Variants in JADE3 observed in about 807,000 individuals in gnomAD.
JADE3 encodes the protein jade family PHD finger 3, also known as protein Jade-3.
Under a neutral mutation model 50.1 loss-of-function variants are expected in JADE3, and 2 were observed. The ratio of observed to expected loss-of-function variants is 0.04; its 90% CI spans 0.02 to 0.13. The LOEUF (loss-of-function observed/expected upper bound fraction) is 0.13. Among genes scored for constraint, JADE3 ranks in the 10% least tolerant of loss-of-function variants. The probability of loss-of-function intolerance (pLI) is 1.00; values close to 1 mark genes in which losing one functional copy is unlikely to be tolerated. For missense variants in JADE3, 475 were observed against 634.4 expected, an observed-to-expected ratio of 0.75 and a Z score of 2.70; for synonymous variants, 218 against 232.9, an observed-to-expected ratio of 0.94 and a Z score of 0.58.
At chrX:47,045,753 T>C (rs1556370533) in intron 8 of JADE3, among the ~76,000 whole-genome samples, 1 of 110,406 alleles carries the variant, frequency 9.1e-6, no homozygotes, top group Non-Finnish European at 1.9e-5. Flanking sequence ...TTGGAAACTA[T>C]ACAAACACTT....
intron 2 of JADE3, 110 bp from the exon 3 acceptor site, chrX:46,985,603 G>A (rs1382669769): frequency 2.5e-5 from 13 of 521,058 alleles, no homozygotes; most frequent in Non-Finnish European, 3.9e-5. Flanking sequence ...GAGCTCTCTG[G>A]TTTCTCCATC....
At chrX:46,914,904 A>T (rs184432964) in intron 1 of JADE3, among the ~76,000 whole-genome samples, 86 of 112,445 alleles carry the variant, frequency 7.6e-4, no homozygotes, top group African/African-American at 2.6e-3. Flanking sequence ...GGAGCAGGAC[A>T]GGTGATGGTG....
intron 1 of JADE3, among the ~76,000 whole-genome samples, chrX:46,930,104 C>T (rs1365201000): frequency 2.7e-5 from 3 of 112,308 alleles, no homozygotes; most frequent in Non-Finnish European, 3.8e-5. Flanking sequence ...GTCCTTGTGA[C>T]TCACTTTGGT....
chrX:46,951,154 C>G (rs1287836579), intron 1 of JADE3, among the ~76,000 whole-genome samples: 1 of 107,249 alleles, frequency 9.3e-6, no homozygotes, highest in Non-Finnish European at 1.9e-5. Context: ...TCTCGGCTCA[C>G]TGCAACCTCC....
intron 1 of JADE3, among the ~76,000 whole-genome samples, chrX:46,973,589 C>G (rs1288204340): frequency 8.9e-6 from 1 of 112,009 alleles, no homozygotes; most frequent in Admixed American, 9.5e-5. Context: ...GAAAGATACA[C>G]AAGATGAACA....
At chrX:47,004,292 T>C (rs1309170327) in intron 4 of JADE3, among the ~76,000 whole-genome samples, 1 of 111,997 alleles carries the variant, frequency 8.9e-6, no homozygotes, top group Admixed American at 9.5e-5. Context: ...TTGGGAAATA[T>C]TCCTTCCTCT....
chrX:46,957,535 G>A (rs1927160946), intron 1 of JADE3, among the ~76,000 whole-genome samples: 1 of 112,124 alleles, frequency 8.9e-6, no homozygotes, highest in Non-Finnish European at 1.9e-5. Context: ...AGTAATGAAT[G>A]CACTTCCAAA....
rs782755104 is a variant in JADE3, at chrX:46,968,062, G to A, written c.-11-16822G>A. Among the ~76,000 whole-genome samples, 6 of 111,620 alleles carry A rather than the reference G, an allele frequency of 5.4e-5. No homozygotes were observed. In the South Asian group the frequency reaches 2.2e-3, roughly 42 times the overall value. ...GGGTCAGCCTCCCAATTATCCCCAG[G>A]CTTGTAAGTTTTACCCGTTTCTTAG... On this transcript the variant is annotated intron_variant, in intron 1 of 10. Transcript: ENST00000614628.
chrX:46,954,533 A>G (rs186817000), intron 1 of JADE3, among the ~76,000 whole-genome samples: 81 of 111,624 alleles, frequency 7.3e-4, no homozygotes, highest in African/African-American at 2.6e-3. Flanking sequence ...TTGTGGTAGA[A>G]ATATGCATTC....
intron 9 of JADE3, 106 bp from the exon 10 acceptor site, chrX:47,055,976 C>T: frequency 2.1e-6 from 1 of 467,412 alleles, no homozygotes. Flanking sequence ...TGTCTTCTCT[C>T]CTCACCCCCA....
chrX:46,951,496 A>C (rs1161985502), intron 1 of JADE3, among the ~76,000 whole-genome samples: 4 of 104,856 alleles, frequency 3.8e-5, no homozygotes, highest in Non-Finnish European at 7.8e-5. Context: ...CTGAGGCAGG[A>C]GAATTGCTTG....
rs781815874 is a variant in JADE3, at chrX:47,024,514, G to A, written c.285-210G>A. Among the ~76,000 whole-genome samples the A allele has an allele frequency of 2.0e-3, 225 of 111,618 alleles. 1 individual carries two copies. Among genetic ancestry groups the A allele is most frequent in the African/African-American group, 7.1e-3 (218 of 30,717 alleles). ...TCTCTAAAAATTTTTTTAAAAATTA[G>A]AATGTTGGGAACCAGGATCCATGAG... On this transcript the variant is annotated intron_variant, in intron 4 of 10. Transcript: ENST00000614628.
chrX:47,060,701 T>G lies in JADE3; in HGVS notation c.*1624T>G, dbSNP rs1556375084. On this transcript the variant is annotated 3_prime_UTR_variant, in exon 11 of 11. Coordinates refer to ENST00000614628, the MANE Select transcript of JADE3 (RefSeq NM_014735.5). ...TAGCATGTGTGGTAGGTGTCCTGTA[T>G]TTTGTTTGGGAAAAAAACTATCAAA... is the stretch of plus-strand genomic sequence containing the variant. 1 of 112,517 alleles carries G rather than the reference T, an allele frequency of 8.9e-6. No individual in the cohort carries two copies. The highest frequency in any genetic ancestry group is 2.8e-4 in the East Asian group (1 of 3,581). 9.3% of individuals were successfully genotyped at this position (112,517 alleles called of 1,213,427 possible). A position where few individuals can be genotyped will look rare whatever the true frequency, so the allele number is the denominator to read the frequency against.
chrX:46,922,954 A>C lies in JADE3; in HGVS notation c.-12+10235A>C, dbSNP rs1926255905. On this transcript the variant is annotated intron_variant, in intron 1 of 10. Coordinates refer to ENST00000614628, the MANE Select transcript of JADE3 (RefSeq NM_014735.5). ...GGTAAATATTTGATATGTTTGGAGA[A>C]GAACATATTTATGGAAATTTGTGTT... 2.7e-5 allele frequency among the ~76,000 whole-genome samples: 3 copies of C among 111,708 alleles called. No individual in the cohort carries two copies. In the Admixed American group the frequency reaches 2.9e-4, roughly 11 times the overall value.
chrX:47,054,705 G>A, intron 9 of JADE3, 77 bp downstream of exon 9: 1 of 586,902 alleles, frequency 1.7e-6, no homozygotes, highest in East Asian at 3.6e-5. Context: ...GTTTAATAAT[G>A]GTCAGTCAGC....
intron 4 of JADE3, among the ~76,000 whole-genome samples, chrX:47,021,609 A>G (rs187681263): frequency 2.0e-3 from 222 of 111,907 alleles, no homozygotes; most frequent in African/African-American, 6.9e-3. Flanking sequence ...AGTATTTTCA[A>G]TTTTTGGACA....
chrX:46,956,312 G>A (rs782305198), intron 1 of JADE3, among the ~76,000 whole-genome samples: 59 of 111,696 alleles, frequency 5.3e-4, no homozygotes, highest in African/African-American at 1.9e-3. Context: ...TGATCCACCT[G>A]CCTCGGCCTC....
At chrX:47,031,560 A>G (rs1289277045) in intron 6 of JADE3, among the ~76,000 whole-genome samples, 1 of 111,770 alleles carries the variant, frequency 8.9e-6, no homozygotes, top group Non-Finnish European at 1.9e-5. Context: ...AAGAAACACA[A>G]CAGCAAATGT....
At chrX:46,963,906 G>T (rs1556348325) in intron 1 of JADE3, among the ~76,000 whole-genome samples, 1 of 112,173 alleles carries the variant, frequency 8.9e-6, no homozygotes, top group African/African-American at 3.2e-5. Context: ...TAAGGAAAGG[G>T]CATGGATAAA....
Sources: gnomAD v4.1 joint callset for allele counts (sites outside exome capture counted in the v4.1 genomes callset) on GRCh38, gnomAD v4.1.1 for gene constraint, MANE v1.5 for transcripts, NCBI Gene and HGNC (gene_info 2026-07-23, HGNC 2026-07-21) for gene names.